CEP126: variants seen among roughly 807,000 people sequenced by gnomAD.
CEP126 encodes the protein centrosomal protein 126, also known as centrosomal protein of 126 kDa.
A neutral mutation model predicts 107.8 loss-of-function variants in CEP126; 74 were observed. That is an observed-to-expected ratio of 0.69 (90% CI 0.57 to 0.83). CEP126 has a LOEUF of 0.83. Among genes scored for constraint, CEP126 ranks in the 40% least tolerant of loss-of-function variants. The probability of loss-of-function intolerance (pLI) is 0.00; values close to 1 mark genes in which losing one functional copy is unlikely to be tolerated. For missense variants in CEP126, 1,237 were observed against 1,281.9 expected, an observed-to-expected ratio of 0.96 and a Z score of 0.53; for synonymous variants, 449 against 446.0, an observed-to-expected ratio of 1.01 and a Z score of -0.08.
chr11:101,927,250 C>T (rs1349980788), intron 2 of CEP126, among the ~76,000 whole-genome samples: 2 of 152,000 alleles, frequency 1.3e-5, no homozygotes, highest in African/African-American at 2.4e-5. Flanking sequence ...TGTGGTGAGC[C>T]GAGATCATGC....
At chr11:101,931,975 G>T (rs971117024) in intron 2 of CEP126, among the ~76,000 whole-genome samples, 1 of 152,234 alleles carries the variant, frequency 6.6e-6, no homozygotes, top group African/African-American at 2.4e-5. Flanking sequence ...GTTTCATGAG[G>T]CAGAGCTGCA....
rs1565363182 is a variant in CEP126 at position 101,964,957 on chromosome 11, T to C, written c.2845+1077T>C. Reference sequence around the variant, plus strand: ...TTTGTTAAATTGAGTTGCTATAAACTAATATTAATTAGATATACCTAATTC... The same window carrying C: ...TTTGTTAAATTGAGTTGCTATAAACCAATATTAATTAGATATACCTAATTC... On this transcript the variant is annotated intron_variant, in intron 6 of 10. Coordinates refer to ENST00000263468, the MANE Select transcript of CEP126 (RefSeq NM_020802.4). Among the ~76,000 whole-genome samples, 4 of 152,340 alleles carry C rather than the reference T, an allele frequency of 2.6e-5. No individual in the cohort carries two copies. In the South Asian group the frequency reaches 8.3e-4, roughly 32 times the overall value.
chr11:101,930,944 G>C (rs1287066092), intron 2 of CEP126, among the ~76,000 whole-genome samples: 4 of 152,168 alleles, frequency 2.6e-5, no homozygotes, highest in Non-Finnish European at 2.9e-5. Context: ...GGGAGAAATA[G>C]AAAAAGTATG....
chr11:101,939,616 A>G (rs143913196), intron 2 of CEP126, among the ~76,000 whole-genome samples: 198 of 152,336 alleles, frequency 1.3e-3, no homozygotes, highest in African/African-American at 4.5e-3. Flanking sequence ...CTCAGTACCA[A>G]TGAGATGGTT....
chr11:101,992,433 CTCT>C, intron 9 of CEP126, among the ~76,000 whole-genome samples: 1 of 151,946 alleles, frequency 6.6e-6, no homozygotes, highest in East Asian at 1.9e-4. Context: ...AAATAAACAT[CTCT>C]TTTTTTCTGA....
At chr11:101,984,357 T>G (rs1941291796) in intron 8 of CEP126, among the ~76,000 whole-genome samples, 1 of 152,202 alleles carries the variant, frequency 6.6e-6, no homozygotes, top group Admixed American at 6.5e-5. Flanking sequence ...TGAAGGATTC[T>G]GTATGTCAAG....
At chr11:101,931,720 G>A (rs888676554) in intron 2 of CEP126, among the ~76,000 whole-genome samples, 1 of 152,170 alleles carries the variant, frequency 6.6e-6, no homozygotes, top group African/African-American at 2.4e-5. Context: ...AGAAAGAAAT[G>A]TATCACAAAA....
intron 10 of CEP126, among the ~76,000 whole-genome samples, chr11:101,996,236 C>T (rs1941439613): frequency 6.6e-6 from 1 of 152,162 alleles, no homozygotes. Flanking sequence ...CCATAGATTT[C>T]CCCAGCAAGC....
In CEP126 at chr11:101,948,931, C is replaced by A. The variant is rs956336918; in HGVS notation, c.506+789C>A. 2.0e-5 allele frequency among the ~76,000 whole-genome samples: 3 copies of A among 152,092 alleles called. 1 individual carries two copies. The highest frequency in any genetic ancestry group is 4.4e-5 in the Non-Finnish European group (3 of 68,014). On this transcript the variant is annotated intron_variant, in intron 4 of 10. Coordinates refer to ENST00000263468, the MANE Select transcript of CEP126 (RefSeq NM_020802.4). ...TATTTTACCTGTGCATAATGTTATTCCATTTTTAGAATATCTGTGGGCAAC... is the reference window on the plus strand; with the variant it reads ...TATTTTACCTGTGCATAATGTTATTACATTTTTAGAATATCTGTGGGCAAC...
intron 6 of CEP126, among the ~76,000 whole-genome samples, chr11:101,972,023 C>T (rs1219619931): frequency 6.8e-6 from 1 of 147,578 alleles, no homozygotes; most frequent in Non-Finnish European, 1.5e-5. Context: ...GCAGGAGAAT[C>T]GCTTCAATCA....
At chr11:101,937,043 ATG>A (rs1229634173) in intron 2 of CEP126, among the ~76,000 whole-genome samples, 1 of 152,204 alleles carries the variant, frequency 6.6e-6, no homozygotes, top group Non-Finnish European at 1.5e-5. Flanking sequence ...TATCTTGGGA[ATG>A]AGACTCAAGT....
At chr11:101,923,499 GACTT>G (rs1310405436) in intron 2 of CEP126, among the ~76,000 whole-genome samples, 1 of 152,082 alleles carries the variant, frequency 6.6e-6, no homozygotes, top group Non-Finnish European at 1.5e-5. Context: ...AAAATCCCTA[GACTT>G]TATTAACTAC....
chr11:101,990,156 C>G (rs1420001975), intron 9 of CEP126, among the ~76,000 whole-genome samples: 1 of 152,098 alleles, frequency 6.6e-6, no homozygotes, highest in African/African-American at 2.4e-5. Context: ...GCCATAGGCA[C>G]AAGGGAACCT....
intron 1 of CEP126, among the ~76,000 whole-genome samples, chr11:101,922,150 A>G (rs1475612439): frequency 1.3e-5 from 2 of 148,746 alleles, no homozygotes; most frequent in Non-Finnish European, 3.0e-5. Context: ...CTTACTTTCT[A>G]ATACCAAGTC....
chr11:101,922,147 T>C (rs1940338047), intron 1 of CEP126, among the ~76,000 whole-genome samples: 1 of 149,838 alleles, frequency 6.7e-6, no homozygotes. Context: ...TATCTTACTT[T>C]CTAATACCAA....
chr11:101,965,431 A>C (rs1941047006), intron 6 of CEP126, among the ~76,000 whole-genome samples: 1 of 152,104 alleles, frequency 6.6e-6, no homozygotes, highest in Non-Finnish European at 1.5e-5. Flanking sequence ...AATCACCCAG[A>C]CTCTACTTGA....
intron 9 of CEP126, among the ~76,000 whole-genome samples, chr11:101,990,315 G>T (rs553880044): frequency 1.3e-5 from 2 of 152,264 alleles, no homozygotes; most frequent in East Asian, 3.9e-4. Context: ...AAGGCATGAA[G>T]CGCCCCCCAT....
chr11:101,991,701 T>C (rs966937688), intron 9 of CEP126, among the ~76,000 whole-genome samples: 4 of 152,230 alleles, frequency 2.6e-5, no homozygotes, highest in Middle Eastern at 3.4e-3. Flanking sequence ...AATTTGAATA[T>C]AGGTCAATAG....
chr11:101,938,233 T>C (rs1940619036), intron 2 of CEP126, among the ~76,000 whole-genome samples: 2 of 151,202 alleles, frequency 1.3e-5, no homozygotes, highest in Admixed American at 1.3e-4. Context: ...TAAAGTTGTT[T>C]GTAATATTCT....
Sources: gnomAD v4.1 joint callset for allele counts (sites outside exome capture counted in the v4.1 genomes callset) on GRCh38, gnomAD v4.1.1 for gene constraint, MANE v1.5 for transcripts, NCBI Gene and HGNC (gene_info 2026-07-23, HGNC 2026-07-21) for gene names.